Variants in RALYL observed in about 807,000 individuals in gnomAD.
RALYL encodes RALY RNA binding protein like, also known as RNA-binding Raly-like protein.
Under a neutral mutation model 35.1 loss-of-function variants are expected in RALYL, and 29 were observed. The observed-to-expected ratio is 0.83, with a 90% CI of 0.61 to 1.13. The LOEUF (loss-of-function observed/expected upper bound fraction) is 1.13, where lower values mean the gene tolerates loss of function less well. Ranked by LOEUF, RALYL falls within the 50% of genes most tolerant of loss-of-function variation. The pLI is 0.00. For missense variants in RALYL, 359 were observed against 360.4 expected, an observed-to-expected ratio of 1.00 and a Z score of 0.03; for synonymous variants, 120 against 127.6, an observed-to-expected ratio of 0.94 and a Z score of 0.40.
chr8:84,680,090 A>T (rs1029043055), intron 2 of RALYL, among the ~76,000 whole-genome samples: 1 of 151,960 alleles, frequency 6.6e-6, no homozygotes, highest in African/African-American at 2.4e-5. Context: ...TATGAGTGAG[A>T]ACATGCGGTG....
chr8:84,362,966 G>A (rs899697447), intron 1 of RALYL, among the ~76,000 whole-genome samples: 1 of 151,892 alleles, frequency 6.6e-6, no homozygotes, highest in Non-Finnish European at 1.5e-5. Context: ...TGTCTGAAAG[G>A]GGGAGATTGA....
At chr8:84,576,059 T>C (rs1425460957) in intron 2 of RALYL, among the ~76,000 whole-genome samples, 1 of 152,094 alleles carries the variant, frequency 6.6e-6, no homozygotes, top group Admixed American at 6.6e-5. Flanking sequence ...TATTTTACAA[T>C]GGCATAGCCA....
intron 2 of RALYL, among the ~76,000 whole-genome samples, chr8:84,601,633 AAG>A (rs1465225033): frequency 6.6e-6 from 1 of 152,126 alleles, no homozygotes; most frequent in East Asian, 1.9e-4. Flanking sequence ...AAAAAAAAAA[AAG>A]AGAATTCCAT....
chr8:84,866,955 T>C lies in RALYL; in HGVS notation c.571+4502T>C, dbSNP rs188819169. The stretch of plus-strand genomic sequence containing the variant: ...ACATCTATATGATGGGTGGCATTAG[T>C]TGGCGAGGGCTGCCATAACAAAGTA... On this transcript the variant is annotated intron_variant, in intron 6 of 8. Transcript: ENST00000521268. Among the ~76,000 whole-genome samples, 110 of 152,294 alleles carry C rather than the reference T, an allele frequency of 7.2e-4. No individual in the cohort carries two copies. The East Asian group carries it at 0.019, about 26-fold the overall frequency.
intron 2 of RALYL, among the ~76,000 whole-genome samples, chr8:84,669,918 T>C (rs896651910): frequency 6.6e-6 from 1 of 152,230 alleles, no homozygotes; most frequent in Admixed American, 6.5e-5. Context: ...GTTTGCAAAC[T>C]ACAAGTGCGC....
At chr8:84,878,363 C>A (rs765024304) in intron 7 of RALYL, among the ~76,000 whole-genome samples, 2 of 152,098 alleles carry the variant, frequency 1.3e-5, no homozygotes, top group Non-Finnish European at 2.9e-5. Flanking sequence ...AGAACATGAG[C>A]AGCCCAAGAG....
intron 1 of RALYL, among the ~76,000 whole-genome samples, chr8:84,239,105 A>G (rs1319893715): frequency 2.0e-5 from 3 of 152,194 alleles, no homozygotes; most frequent in African/African-American, 4.8e-5. Context: ...TTGAGGCTAC[A>G]TAACCACATT....
intron 1 of RALYL, among the ~76,000 whole-genome samples, chr8:84,463,871 C>A (rs2051141588): frequency 1.3e-5 from 2 of 151,950 alleles, no homozygotes; most frequent in Non-Finnish European, 2.9e-5. Flanking sequence ...ACAATGCCAT[C>A]ACCCCATATA....
chr8:84,360,745 G>A (rs1852818511), intron 1 of RALYL, among the ~76,000 whole-genome samples: 1 of 152,108 alleles, frequency 6.6e-6, no homozygotes, highest in East Asian at 1.9e-4. Context: ...TCTCTAGGGA[G>A]GTATGTGATA....
chr8:84,840,382 A>ACT (rs1360868523), intron 4 of RALYL, among the ~76,000 whole-genome samples: 44 of 152,354 alleles, frequency 2.9e-4, no homozygotes, highest in African/African-American at 1.0e-3. Flanking sequence ...ATGGAAGATC[A>ACT]AATGAATGAA....
chr8:84,279,780 C>T (rs1310329781), intron 1 of RALYL, among the ~76,000 whole-genome samples: 1 of 152,094 alleles, frequency 6.6e-6, no homozygotes, highest in Non-Finnish European at 1.5e-5. Context: ...CTGATTTTTA[C>T]CTTCTTGCCT....
intron 2 of RALYL, among the ~76,000 whole-genome samples, chr8:84,676,380 TAC>T (rs1353993909): frequency 6.6e-6 from 1 of 152,202 alleles, no homozygotes; most frequent in African/African-American, 2.4e-5. Flanking sequence ...CATGCAAATA[TAC>T]AAAGCTTGAT....
chr8:84,849,938 A>G (rs1477129848), intron 4 of RALYL, 42 bp from the exon 5 acceptor site: 5 of 1,139,850 alleles, frequency 4.4e-6, no homozygotes, highest in Non-Finnish European at 3.7e-6. Context: ...AATTAATGTC[A>G]TTGAAACAAA....
At chr8:84,807,581 G>T (rs1219545588) in intron 4 of RALYL, among the ~76,000 whole-genome samples, 1 of 152,148 alleles carries the variant, frequency 6.6e-6, no homozygotes, top group African/African-American at 2.4e-5. Flanking sequence ...GTTCTTTAAA[G>T]AATCTTTACA....
At chr8:84,591,318 C>T (rs1206965314) in intron 2 of RALYL, among the ~76,000 whole-genome samples, 5 of 151,944 alleles carry the variant, frequency 3.3e-5, no homozygotes, top group Non-Finnish European at 5.9e-5. Flanking sequence ...ACAGAAGACT[C>T]AAGACTCCTG....
chr8:84,586,744 G>A (rs778386501), intron 2 of RALYL, among the ~76,000 whole-genome samples: 8 of 151,908 alleles, frequency 5.3e-5, no homozygotes, highest in Admixed American at 6.6e-5. Flanking sequence ...TAGGGTTAAA[G>A]GTCAATCCCA....
At chr8:84,782,824 GC>G (rs897738097) in intron 3 of RALYL, among the ~76,000 whole-genome samples, 3 of 152,152 alleles carry the variant, frequency 2.0e-5, no homozygotes, top group African/African-American at 7.2e-5. Flanking sequence ...AAAGGGCAAT[GC>G]CCTTGCTTGC....
At chr8:84,844,075 A>G (rs1300872087) in intron 4 of RALYL, among the ~76,000 whole-genome samples, 2 of 152,222 alleles carry the variant, frequency 1.3e-5, no homozygotes, top group Admixed American at 6.5e-5. Context: ...CTTCATGTCT[A>G]AAACACCAAA....
chr8:84,378,090 C>A (rs1037435888), intron 1 of RALYL, among the ~76,000 whole-genome samples: 6 of 151,862 alleles, frequency 4.0e-5, no homozygotes, highest in Non-Finnish European at 5.9e-5. Flanking sequence ...ACGTTTTATT[C>A]TTTGATTTTC....
Sources: allele counts gnomAD v4.1 joint callset (sites outside exome capture counted in the v4.1 genomes callset), GRCh38; gene constraint gnomAD v4.1.1; transcripts MANE v1.5; gene names NCBI Gene and HGNC (gene_info 2026-07-23, HGNC 2026-07-21).